Variants in ASTN1 observed in about 807,000 individuals in gnomAD.
ASTN1 encodes the protein astrotactin-1.
In ASTN1, 41 loss-of-function variants were observed where a neutral mutation model predicts 140.7. That is an observed-to-expected ratio of 0.29 (90% CI 0.23 to 0.38). The LOEUF is 0.38. Ranked by LOEUF, ASTN1 falls within the 10% of genes least tolerant of loss-of-function variation. The pLI, the probability that ASTN1 is intolerant of heterozygous loss-of-function variation, is 1.00. For synonymous variants in ASTN1, 640 were observed against 652.2 expected (o/e 0.98, Z 0.29); for missense variants, 1,479 against 1,678.8 (o/e 0.88, Z 2.08).
At chr1:176,998,420 C>A (rs1674556257) in intron 8 of ASTN1, among the ~76,000 whole-genome samples, 1 of 151,930 alleles carries the variant, frequency 6.6e-6, no homozygotes, top group Non-Finnish European at 1.5e-5. Flanking sequence ...ATGAGGCACC[C>A]CAAATATTTT....
intron 2 of ASTN1, among the ~76,000 whole-genome samples, chr1:177,044,737 C>T (rs1164491519): frequency 6.6e-6 from 1 of 152,224 alleles, no homozygotes; most frequent in Non-Finnish European, 1.5e-5. Flanking sequence ...ACTGACAAGG[C>T]CGACATCATC....
chr1:177,140,884 C>T (rs1417480066), intron 1 of ASTN1, among the ~76,000 whole-genome samples: 1 of 152,144 alleles, frequency 6.6e-6, no homozygotes, highest in East Asian at 1.9e-4. Context: ...CTTGGGGAAA[C>T]TATTTACCTT....
chr1:176,894,923 T>G (rs1669442936), intron 16 of ASTN1, 93 bp from the exon 17 acceptor site: 1 of 1,534,374 alleles, frequency 6.5e-7, no homozygotes, highest in Middle Eastern at 1.9e-4. Flanking sequence ...GTCCAATCTT[T>G]GGGATCAGAA....
intron 1 of ASTN1, among the ~76,000 whole-genome samples, chr1:177,072,087 C>T (rs1678672786): frequency 6.6e-6 from 1 of 152,168 alleles, no homozygotes; most frequent in South Asian, 2.1e-4. Flanking sequence ...CCTTCTGACT[C>T]CTGGCACAGT....
downstream of ASTN1, among the ~76,000 whole-genome samples, chr1:176,858,777 A>C (rs542952110): frequency 6.6e-6 from 1 of 152,306 alleles, no homozygotes; most frequent in African/African-American, 2.4e-5. Flanking sequence ...TTATTGTCTG[A>C]CATGGGGTAA....
intron 8 of ASTN1, among the ~76,000 whole-genome samples, chr1:177,006,225 T>C (rs1674987151): frequency 6.6e-6 from 1 of 152,192 alleles, no homozygotes; most frequent in South Asian, 2.1e-4. Context: ...AATGCTTCTT[T>C]ATACGTTACC....
At chr1:176,980,184 C>T (rs571161124) in intron 8 of ASTN1, among the ~76,000 whole-genome samples, 23 of 152,176 alleles carry the variant, frequency 1.5e-4, no homozygotes, top group Admixed American at 5.2e-4. Context: ...GAGAATTTAG[C>T]TGTGACATGA....
At chr1:176,998,229 G>A (rs1266476557) in intron 8 of ASTN1, among the ~76,000 whole-genome samples, 2 of 152,112 alleles carry the variant, frequency 1.3e-5, no homozygotes, top group Non-Finnish European at 2.9e-5. Context: ...AAAATGTGAG[G>A]AGCAAATAAT....
At position 176,861,824 on chromosome 1, in the gene ASTN1, G is replaced by A; in HGVS notation, c.*2460C>T. 2.0e-6 allele frequency: 2 copies of A among 985,394 alleles called. No homozygotes were observed. The highest frequency in any genetic ancestry group is 3.5e-5 in the African/African-American group (2 of 57,338). The allele number at this position is 985,394 out of a possible 1,614,324, so 61.0% of individuals were successfully genotyped here. On this transcript the variant is annotated 3_prime_UTR_variant, in exon 23 of 23. Coordinates refer to ENST00000361833, the MANE Select transcript of ASTN1 (RefSeq NM_004319.3). ...GAAGTAAAAGACAAAGATAAAGAAGGTAGAGGAACTTGGGAGACTGAGGGA... is the reference window on the plus strand; with the variant it reads ...GAAGTAAAAGACAAAGATAAAGAAGATAGAGGAACTTGGGAGACTGAGGGA...
intron 16 of ASTN1, among the ~76,000 whole-genome samples, chr1:176,896,935 A>G (rs1230817736): frequency 6.6e-6 from 1 of 152,134 alleles, no homozygotes; most frequent in Non-Finnish European, 1.5e-5. Flanking sequence ...GGGCTCAAGC[A>G]TTTCAGAAAC....
chr1:176,898,297 C>G (rs1669613917), intron 16 of ASTN1, among the ~76,000 whole-genome samples: 1 of 152,150 alleles, frequency 6.6e-6, no homozygotes, highest in Non-Finnish European at 1.5e-5. Flanking sequence ...AAGAGCCCCG[C>G]CGGAGGCCAA....
intron 1 of ASTN1, among the ~76,000 whole-genome samples, chr1:177,113,622 C>T (rs922369185): frequency 3.3e-5 from 5 of 152,160 alleles, no homozygotes; most frequent in Non-Finnish European, 7.3e-5. Context: ...CTCCTTTTTG[C>T]TCTCACCTAC....
At chr1:177,132,316 C>T (rs1380991942) in intron 1 of ASTN1, among the ~76,000 whole-genome samples, 1 of 152,146 alleles carries the variant, frequency 6.6e-6, no homozygotes, top group African/African-American at 2.4e-5. Context: ...TTTAGGTTAC[C>T]AGTTACTATC....
At chr1:177,013,631 C>A (rs1675402664) in intron 8 of ASTN1, among the ~76,000 whole-genome samples, 1 of 152,276 alleles carries the variant, frequency 6.6e-6, no homozygotes, top group South Asian at 2.1e-4. Flanking sequence ...GATGTGAGTC[C>A]TCCATGGCGA....
At chr1:176,905,263 C>A (rs555846681) in intron 16 of ASTN1, among the ~76,000 whole-genome samples, 1 of 152,162 alleles carries the variant, frequency 6.6e-6, no homozygotes, top group Non-Finnish European at 1.5e-5. Context: ...TGTGAGGGTG[C>A]CTGATATGAG....
At chr1:176,976,687 T>G (rs1484169815) in intron 8 of ASTN1, 2 of 152,218 alleles carry the variant, frequency 1.3e-5, no homozygotes, top group African/African-American at 4.8e-5. Context: ...ACTACTGTCT[T>G]CCTCCCTCCA....
chr1:177,120,180 G>A (rs540730710), intron 1 of ASTN1, among the ~76,000 whole-genome samples: 1 of 152,270 alleles, frequency 6.6e-6, no homozygotes, highest in East Asian at 1.9e-4. Context: ...CTAGAAATAA[G>A]TTTGTTTGAT....
rs367574127 is a variant in ASTN1 at position 176,946,979 on chromosome 1, C to G, written c.2055-859G>C. ...ATCTGGGTCTCTCATTGGGCATAAA[C>G]CAAATTTAGAATTTAAAGATGCTCA... On this transcript the variant is annotated intron_variant, in intron 12 of 22. Coordinates refer to ENST00000361833, the MANE Select transcript of ASTN1 (RefSeq NM_004319.3). Among the ~76,000 whole-genome samples, 9 of 152,264 alleles carry G rather than the reference C, an allele frequency of 5.9e-5. No homozygotes were observed. The East Asian group carries it at 1.5e-3, about 26-fold the overall frequency.
chr1:177,163,208 T>C (rs944149350), intron 1 of ASTN1, among the ~76,000 whole-genome samples: 2 of 152,166 alleles, frequency 1.3e-5, no homozygotes, highest in African/African-American at 4.8e-5. Flanking sequence ...ATCAAGTAAA[T>C]GGAACAGCCT....
Sources: gnomAD v4.1 joint callset for allele counts (sites outside exome capture counted in the v4.1 genomes callset) on GRCh38, gnomAD v4.1.1 for gene constraint, MANE v1.5 for transcripts, NCBI Gene and HGNC (gene_info 2026-07-23, HGNC 2026-07-21) for gene names.